Variants in USP34 observed in about 807,000 individuals in gnomAD.
USP34 encodes the protein ubiquitin carboxyl-terminal hydrolase 34.
In USP34, 70 loss-of-function variants were observed where a neutral mutation model predicts 460.3. That is an observed-to-expected ratio of 0.15 (90% CI 0.13 to 0.19). The LOEUF is 0.19. Ranked by LOEUF, USP34 falls within the 10% of genes least tolerant of loss-of-function variation. The pLI, the probability that USP34 is intolerant of heterozygous loss-of-function variation, is 1.00. For missense variants in USP34, 3,985 were observed against 4,236.2 expected (o/e 0.94, Z 1.65); for synonymous variants, 1,647 against 1,405.3 (o/e 1.17, Z -3.85).
chr2:61,462,244 G>GA (rs879426963), intron 1 of USP34, among the ~76,000 whole-genome samples: 136 of 124,220 alleles, frequency 1.1e-3, no homozygotes, highest in South Asian at 1.0e-3. Flanking sequence ...CATCTCAGGG[G>GA]GAAAAAAAAA....
intron 1 of USP34, among the ~76,000 whole-genome samples, chr2:61,456,307 G>A (rs1211806767): frequency 6.6e-6 from 1 of 152,116 alleles, no homozygotes; most frequent in Non-Finnish European, 1.5e-5. Flanking sequence ...TCAAGAATAG[G>A]TCCTGATTAG....
rs372729949 is a variant in USP34, at chr2:61,188,143, C to T, written c.10600G>A (p.Val3534Ile). Residue 3534 changes from valine to isoleucine, a missense_variant, in exon 80 of 80, where the codon GTC becomes ATC. Physicochemically the swap from Val to Ile is conservative, Grantham distance 29 (BLOSUM62 3). Coordinates refer to ENST00000398571, the MANE Select transcript of USP34 (RefSeq NM_014709.4). Reference sequence around the variant, plus strand: ...TTTCCTTTGCCAGATATCCTTGTGACGACATGGATTGTAGATTCAATGGTC... The same window carrying T: ...TTTCCTTTGCCAGATATCCTTGTGATGACATGGATTGTAGATTCAATGGTC... ...CRTIESTIHVVTRISGKGNQA... is the reference protein window; with the variant it reads ...CRTIESTIHVITRISGKGNQA... The T allele has an allele frequency of 3.2e-5, 51 of 1,613,782 alleles. 2 individuals carry two copies. The African/African-American group carries it at 3.5e-4, about 11-fold the overall frequency.
intron 10 of USP34, among the ~76,000 whole-genome samples, chr2:61,354,827 C>G (rs1418601187): frequency 6.6e-6 from 1 of 152,180 alleles, no homozygotes; most frequent in Non-Finnish European, 1.5e-5. Context: ...CACACTGAGG[C>G]AGACCCTTGG....
Position 61,284,935 on chromosome 2 carries a change from C to T in USP34, c.4772G>A (p.Gly1591Glu), listed in dbSNP as rs1689643717. The change falls in exon 35 of 80, where the codon GGA (glycine) becomes GAA (glutamate). Residue 1591 changes from glycine (G) to glutamate (E), a missense_variant. Physicochemically the swap from Gly to Glu is moderately conservative, Grantham distance 98. Coordinates refer to ENST00000398571, the MANE Select transcript of USP34 (RefSeq NM_014709.4). ...LTEVFLVLVQGTSLIQRLMSV... is the reference protein window; with the variant it reads ...LTEVFLVLVQETSLIQRLMSV... Reference sequence around the variant, plus strand: ...CATAAGTCGCTGAATCAAACTGGTTCCTTGGACAAGAACAAGAAATACCTT... The same window carrying T: ...CATAAGTCGCTGAATCAAACTGGTTTCTTGGACAAGAACAAGAAATACCTT... 1.2e-6 allele frequency: 2 copies of T among 1,610,534 alleles called. No homozygotes were observed. The highest frequency in any genetic ancestry group is 1.7e-6 in the Non-Finnish European group (2 of 1,178,752).
intron 2 of USP34, among the ~76,000 whole-genome samples, chr2:61,416,517 A>G (rs941549587): frequency 1.3e-5 from 2 of 152,180 alleles, no homozygotes; most frequent in African/African-American, 4.8e-5. Flanking sequence ...GGAATTTCCA[A>G]GATATAAACC....
At chr2:61,235,762 C>T (rs955649894) in intron 57 of USP34, 83 bp downstream of exon 57, 1 of 1,394,916 alleles carries the variant, frequency 7.2e-7, no homozygotes, top group Non-Finnish European at 9.8e-7. Context: ...GATAAAACAA[C>T]TCTGCTGTAG....
chr2:61,235,617 C>A (rs1326269596), intron 57 of USP34, among the ~76,000 whole-genome samples: 1 of 152,024 alleles, frequency 6.6e-6, no homozygotes, highest in Non-Finnish European at 1.5e-5. Flanking sequence ...AGCCACCACA[C>A]CTGGCCAAAA....
chr2:61,469,188 C>T (rs573710021), intron 1 of USP34, among the ~76,000 whole-genome samples: 2 of 151,922 alleles, frequency 1.3e-5, no homozygotes, highest in African/African-American at 4.8e-5. Flanking sequence ...GCTTGGGCAA[C>T]AAGAGCAAAA....
Position 61,380,285 on chromosome 2 carries a change from C to G in USP34, c.898G>C (p.Val300Leu), listed in dbSNP as rs1288647423. Residue 300 changes from valine (V) to leucine (L), a missense_variant, in exon 7 of 80, where the codon GTC becomes CTC. Around this residue, in one of 14 missense-constraint regions of USP34, gnomAD observed 70 missense variants for 109.5 expected, o/e 0.64. Coordinates refer to ENST00000398571, the MANE Select transcript of USP34 (RefSeq NM_014709.4). ...AATGTTGTATCCAATGGTTCTTTGA[C>G]TGTGCTCCACATTAAGTCAGCCATG... ...RNMADLMWST[V>L]KEPLDTTLCF... The G allele has an allele frequency of 6.2e-7, 1 of 1,614,044 alleles. No homozygotes were observed. The highest frequency in any genetic ancestry group is 8.5e-7 in the Non-Finnish European group (1 of 1,180,008).
At chr2:61,352,274 C>A (rs115538052) in intron 10 of USP34, among the ~76,000 whole-genome samples, 1,681 of 151,866 alleles carry the variant, frequency 0.011, 32 homozygotes, top group African/African-American at 0.038. Flanking sequence ...CATGGTTTTT[C>A]TACTTAAAAT....
chr2:61,401,283 C>T (rs1408902723), intron 3 of USP34, among the ~76,000 whole-genome samples: 4 of 151,888 alleles, frequency 2.6e-5, no homozygotes, highest in African/African-American at 9.7e-5. Context: ...TAGGGTCCCA[C>T]TCTGTCATGC....
chr2:61,470,720 C>T lies in USP34; in HGVS notation c.-28G>A, dbSNP rs1352082802. 6.3e-7 allele frequency: 1 copy of T among 1,584,696 alleles called. No individual in the cohort carries two copies. Among genetic ancestry groups the T allele is most frequent in the South Asian group, 1.1e-5 (1 of 89,110 alleles). ...TTCGGCCGCCGCCCCCCCCCTCCCC[C>T]GCTTCGGATCACACTGACTGATCCC... On this transcript the variant is annotated 5_prime_UTR_variant, in exon 1 of 80. Transcript: ENST00000398571.
chr2:61,468,173 G>GT (rs1182603599), intron 1 of USP34, among the ~76,000 whole-genome samples: 20 of 152,144 alleles, frequency 1.3e-4, no homozygotes, highest in African/African-American at 4.8e-4. Flanking sequence ...AACTACACAT[G>GT]TAATTGTTGA....
At chr2:61,311,486 G>GAAAAAA in intron 27 of USP34, 54 bp downstream of exon 27, 1 of 152,346 alleles carries the variant, frequency 6.6e-6, no homozygotes, top group Non-Finnish European at 9.6e-6. Flanking sequence ...AAGAGAAAGA[G>GAAAAAA]AAAAAGAAAG....
At chr2:61,212,325 A>G (rs1167034990) in intron 68 of USP34, among the ~76,000 whole-genome samples, 8 of 152,252 alleles carry the variant, frequency 5.3e-5, no homozygotes. Flanking sequence ...TAGTCTTATT[A>G]CTGCTTAAAG....
intron 57 of USP34, 97 bp from the exon 58 acceptor site, chr2:61,232,629 A>C: frequency 9.8e-7 from 1 of 1,015,652 alleles, no homozygotes; most frequent in Non-Finnish European, 1.5e-6. Flanking sequence ...TCAATGTTTT[A>C]ATTCTTTTAA....
intron 27 of USP34, among the ~76,000 whole-genome samples, chr2:61,304,998 C>T (rs1327209204): frequency 1.3e-5 from 2 of 152,146 alleles, no homozygotes; most frequent in East Asian, 3.9e-4. Context: ...TCATTTTTCC[C>T]CTTTACAACT....
chr2:61,384,988 T>C (rs1343111611), intron 5 of USP34, among the ~76,000 whole-genome samples: 1 of 152,108 alleles, frequency 6.6e-6, no homozygotes. Flanking sequence ...AGATAAACAC[T>C]GAAACTAAAG....
chr2:61,361,456 A>C (rs554716623), intron 10 of USP34, among the ~76,000 whole-genome samples: 4 of 152,308 alleles, frequency 2.6e-5, no homozygotes, highest in African/African-American at 4.8e-5. Flanking sequence ...ACTGGCATAA[A>C]AACAGACATA....
Sources: allele counts gnomAD v4.1 joint callset (sites outside exome capture counted in the v4.1 genomes callset), GRCh38; gene constraint gnomAD v4.1.1; regional missense constraint gnomAD v4.1.1; transcripts MANE v1.5; gene names NCBI Gene and HGNC (gene_info 2026-07-23, HGNC 2026-07-21).